Variants in HHLA2 observed in about 807,000 individuals in gnomAD.
HHLA2 encodes the protein HERV-H LTR-associating protein 2.
A neutral mutation model predicts 45.9 loss-of-function variants in HHLA2; 48 were observed. The observed-to-expected ratio is 1.05, with a 90% CI of 0.83 to 1.33. HHLA2 has a LOEUF of 1.33. Ranked by LOEUF, HHLA2 falls within the 40% of genes most tolerant of loss-of-function variation. The pLI is 0.00. For missense variants in HHLA2, 462 were observed against 494.3 expected (o/e 0.93, Z 0.62); for synonymous variants, 161 against 173.9 (o/e 0.93, Z 0.59).
At position 108,377,177 on chromosome 3, in the gene HHLA2, A is replaced by G. The variant is rs2082289209; in HGVS notation, c.1225-81A>G. On this transcript the variant is annotated intron_variant, in intron 10 of 10. Coordinates refer to ENST00000619531, the Ensembl canonical transcript of HHLA2. ...TTTTTGCCGCCCACCCCAAAACACT[A>G]CTATCAATAAATATTTAAGATATAA... 3 of 949,690 alleles carry G rather than the reference A, an allele frequency of 3.2e-6. No individual in the cohort carries two copies. In the Admixed American group the frequency reaches 6.6e-5, roughly 21 times the overall value. 58.8% of individuals were successfully genotyped at this position (949,690 alleles called of 1,614,324 possible). A position where few individuals can be genotyped will look rare whatever the true frequency, so the allele number is the denominator to read the frequency against.
intron 7 of HHLA2, among the ~76,000 whole-genome samples, chr3:108,359,169 T>C (rs1264716455): frequency 1.3e-5 from 2 of 151,978 alleles, no homozygotes; most frequent in Non-Finnish European, 2.9e-5. Flanking sequence ...GTTGGATTAA[T>C]TTTGGAGTGT....
intron 3 of HHLA2, among the ~76,000 whole-genome samples, chr3:108,340,894 TC>T (rs763497837): frequency 0.22 from 4,014 of 18,110 alleles, 82 homozygotes; most frequent in Non-Finnish European, 0.27. Context: ...CAAACTCTTT[TC>T]TTTTTTTTTT....
chr3:108,299,237 T>C (rs759117426), intron 1 of HHLA2, among the ~76,000 whole-genome samples: 164 of 152,066 alleles, frequency 1.1e-3, no homozygotes, highest in Middle Eastern at 6.9e-3. Context: ...AGTAGCTCTG[T>C]AGTTATATCA....
intron 3 of HHLA2, among the ~76,000 whole-genome samples, chr3:108,335,916 C>A (rs892073428): frequency 2.0e-5 from 3 of 151,906 alleles, no homozygotes; most frequent in South Asian, 2.1e-4. Context: ...GAGACCAGCC[C>A]ACATCTCTGA....
intron 1 of HHLA2, among the ~76,000 whole-genome samples, chr3:108,310,262 A>G (rs4855556): frequency 0.11 from 15,981 of 152,146 alleles, 1,567 homozygotes; most frequent in East Asian, 0.52. Context: ...TGATATTTAT[A>G]GGAAAAACAA....
chr3:108,312,756 A>AT (rs1183487834), intron 2 of HHLA2, among the ~76,000 whole-genome samples: 2 of 151,956 alleles, frequency 1.3e-5, no homozygotes, highest in Admixed American at 6.6e-5. Context: ...ATTCCTTACA[A>AT]TTTTCTCCTG....
At chr3:108,369,068 C>T (rs1295043109) in intron 8 of HHLA2, among the ~76,000 whole-genome samples, 1 of 152,164 alleles carries the variant, frequency 6.6e-6, no homozygotes, top group African/African-American at 2.4e-5. Context: ...GATTAAGAAA[C>T]TCACTCAGAA....
intron 7 of HHLA2, 134 bp downstream of exon 6, chr3:108,358,295 C>T: frequency 1.5e-6 from 1 of 646,178 alleles, no homozygotes; most frequent in Non-Finnish European, 2.5e-6. Flanking sequence ...AGGGATATTT[C>T]TGGTCAGGAT....
rs1411024871 is a variant in HHLA2, at chr3:108,357,983, G to C, written c.825G>C (p.Leu275=). The change falls in exon 7 of 11, where the codon CTG becomes CTC. Residue 275 remains leucine, a synonymous_variant. Coordinates refer to ENST00000619531, the Ensembl canonical transcript of HHLA2. ...CTTTCTCTGTCCTGGCTTACTATCT[G>C]AGCTCCTCACAAAATACAATTATCA... 7.4e-6 allele frequency: 12 copies of C among 1,613,734 alleles called. No individual in the cohort carries two copies. In the East Asian group the frequency reaches 2.5e-4, roughly 33 times the overall value.
intron 7 of HHLA2, among the ~76,000 whole-genome samples, chr3:108,359,800 T>G (rs76838769): frequency 0.022 from 3,325 of 152,252 alleles, 69 homozygotes; most frequent in Non-Finnish European, 0.033. Context: ...GTCCCCCCTT[T>G]CCTTGGGGGA....
At chr3:108,335,784 C>T (rs778419630) in intron 3 of HHLA2, among the ~76,000 whole-genome samples, 4 of 152,116 alleles carry the variant, frequency 2.6e-5, no homozygotes, top group Non-Finnish European at 5.9e-5. Flanking sequence ...CCAGATAGAA[C>T]ATGACTGAGG....
At chr3:108,300,242 A>G (rs1180294760) in intron 1 of HHLA2, among the ~76,000 whole-genome samples, 1 of 152,166 alleles carries the variant, frequency 6.6e-6, no homozygotes, top group Non-Finnish European at 1.5e-5. Flanking sequence ...TCCTGTTCAC[A>G]GCATGAAGTA....
Position 108,362,447 on chromosome 3 carries a change from G to A in HHLA2, c.1108+1G>A. ...ATTTGGAGCGTAAAATGTTGCAGAG[G>A]TAATAGAAGAATTTGGGCTCTGCCC... On this transcript the variant is annotated splice_donor_variant, in intron 8 of 10. Transcript: ENST00000619531. LOFTEE classifies it high-confidence loss of function. The A allele has an allele frequency of 6.3e-7, 1 of 1,596,808 alleles. No homozygotes were observed. The highest frequency in any genetic ancestry group is 8.6e-7 in the Non-Finnish European group (1 of 1,168,004).
intron 2 of HHLA2, among the ~76,000 whole-genome samples, chr3:108,311,073 A>C (rs3811691): frequency 0.11 from 16,062 of 152,166 alleles, 1,604 homozygotes; most frequent in East Asian, 0.52. Flanking sequence ...TGTATCTAGC[A>C]TATGTACTTA....
At chr3:108,322,910 G>A (rs1210132734) in intron 2 of HHLA2, among the ~76,000 whole-genome samples, 2 of 151,906 alleles carry the variant, frequency 1.3e-5, no homozygotes, top group African/African-American at 4.8e-5. Context: ...CAGTTCCTAT[G>A]TCTTTTGAGT....
chr3:108,301,539 A>G (rs2080848632), intron 1 of HHLA2, among the ~76,000 whole-genome samples: 1 of 147,980 alleles, frequency 6.8e-6, no homozygotes, highest in Admixed American at 6.8e-5. Context: ...CCACCCCACC[A>G]CAATTTTCCT....
At chr3:108,369,361 T>G (rs1420429505) in intron 8 of HHLA2, among the ~76,000 whole-genome samples, 1 of 151,952 alleles carries the variant, frequency 6.6e-6, no homozygotes, top group African/African-American at 2.4e-5. Flanking sequence ...TAGGAACAGC[T>G]CCGGTCTACA....
chr3:108,375,532 A>C (rs1303263299), intron 8 of HHLA2, among the ~76,000 whole-genome samples: 1 of 152,082 alleles, frequency 6.6e-6, no homozygotes, highest in Non-Finnish European at 1.5e-5. Flanking sequence ...AAAATTAAAA[A>C]ACTAGAGAAG....
At chr3:108,303,173 T>C (rs2080876878) in intron 1 of HHLA2, among the ~76,000 whole-genome samples, 1 of 152,246 alleles carries the variant, frequency 6.6e-6, no homozygotes, top group South Asian at 2.1e-4. Flanking sequence ...AAAAGTTTTC[T>C]TACATTGTAT....
Sources: allele counts gnomAD v4.1 joint callset (sites outside exome capture counted in the v4.1 genomes callset), GRCh38; gene constraint gnomAD v4.1.1; transcripts MANE v1.5; gene names NCBI Gene and HGNC (gene_info 2026-07-23, HGNC 2026-07-21).